Variants in CNTN5 observed in about 807,000 individuals in gnomAD.
CNTN5 encodes the protein contactin-5.
In CNTN5, 77 loss-of-function variants were observed where a neutral mutation model predicts 129.1. The observed-to-expected ratio is 0.60, with a 90% CI of 0.50 to 0.72. CNTN5 has a LOEUF of 0.72. Among genes scored for constraint, CNTN5 ranks in the 30% least tolerant of loss-of-function variants. The probability of loss-of-function intolerance (pLI) is 0.00; values close to 1 mark genes in which losing one functional copy is unlikely to be tolerated. For synonymous variants in CNTN5, 509 were observed against 465.6 expected, an observed-to-expected ratio of 1.09 and a Z score of -1.20; for missense variants, 1,478 against 1,328.8, an observed-to-expected ratio of 1.11 and a Z score of -1.75.
Position 99,462,322 on chromosome 11 carries a change from C to T in CNTN5, c.-70-93823C>T, listed in dbSNP as rs181424570. On this transcript the variant is annotated intron_variant, in intron 2 of 24. Transcript: ENST00000524871. ...TGGCAGGAAAAAATGTGTAGATTGT[C>T]CTTTTTCTTTCTTTTTTTTCTTTTT... Among the ~76,000 whole-genome samples, 334 of 146,264 alleles carry T rather than the reference C, an allele frequency of 2.3e-3. 1 individual carries two copies. The highest frequency in any genetic ancestry group is 8.2e-3 in the African/African-American group (325 of 39,824).
At chr11:99,094,105 C>T (rs1866371067) in intron 1 of CNTN5, among the ~76,000 whole-genome samples, 1 of 151,968 alleles carries the variant, frequency 6.6e-6, no homozygotes. Flanking sequence ...ATCACTACCA[C>T]CATTAAGACT....
At chr11:100,046,011 G>A (rs1942651133) in intron 9 of CNTN5, among the ~76,000 whole-genome samples, 1 of 151,880 alleles carries the variant, frequency 6.6e-6, no homozygotes, top group South Asian at 2.1e-4. Context: ...CAATGTGCAG[G>A]TTAGTTACAT....
At chr11:99,649,649 G>T (rs1479419163) in intron 3 of CNTN5, among the ~76,000 whole-genome samples, 1 of 151,736 alleles carries the variant, frequency 6.6e-6, no homozygotes, top group Non-Finnish European at 1.5e-5. Context: ...TTGCTTAAAA[G>T]ATAAAAAATG....
chr11:99,753,929 C>G (rs1316283505), intron 3 of CNTN5, among the ~76,000 whole-genome samples: 1 of 149,944 alleles, frequency 6.7e-6, no homozygotes, highest in African/African-American at 2.5e-5. Context: ...CTCAAGTGAT[C>G]TGCCCGCCTC....
At chr11:99,902,053 G>A (rs975645048) in intron 6 of CNTN5, among the ~76,000 whole-genome samples, 2 of 152,004 alleles carry the variant, frequency 1.3e-5, no homozygotes, top group Admixed American at 1.3e-4. Flanking sequence ...GATTCTAGAG[G>A]TCAAGCTTTT....
Position 99,700,277 on chromosome 11 carries a change from G to A in CNTN5, c.56-119267G>A, listed in dbSNP as rs181080053. ...GTAATCTCTTAAAGTAGAGTACTCG[G>A]TCATTTCCATCCATGATTCTATGAT... On this transcript the variant is annotated intron_variant, in intron 3 of 24. Transcript: ENST00000524871. Among the ~76,000 whole-genome samples, 248 of 151,430 alleles carry A rather than the reference G, an allele frequency of 1.6e-3. 1 individual carries two copies. The highest frequency in any genetic ancestry group is 5.4e-3 in the African/African-American group (225 of 41,454).
rs751890399 is a variant in CNTN5 at position 100,146,280 on chromosome 11, A to G, written c.1581-44846A>G. 5.9e-5 allele frequency among the ~76,000 whole-genome samples: 9 copies of G among 152,178 alleles called. 1 individual carries two copies. The highest frequency in any genetic ancestry group is 1.0e-4 in the Non-Finnish European group (7 of 68,030). The stretch of plus-strand genomic sequence containing the variant: ...AAAAGAGCTCAAAATGTAGGCAGTG[A>G]TTATGTCTAAATGTTGGAATCATAC... On this transcript the variant is annotated intron_variant, in intron 13 of 24. Coordinates refer to ENST00000524871, the MANE Select transcript of CNTN5 (RefSeq NM_014361.4).
Position 99,517,687 on chromosome 11 carries a change from G to C in CNTN5, c.-70-38458G>C, listed in dbSNP as rs114053728. Among the ~76,000 whole-genome samples, 370 of 152,144 alleles carry C rather than the reference G, an allele frequency of 2.4e-3. 2 individuals are homozygous for C. The highest frequency in any genetic ancestry group is 7.7e-3 in the African/African-American group (319 of 41,522). On this transcript the variant is annotated intron_variant, in intron 2 of 24. Coordinates refer to ENST00000524871, the MANE Select transcript of CNTN5 (RefSeq NM_014361.4). Reference sequence around the variant, plus strand: ...GCCAGATTGTCTTCTGTAAGCTAGTGATAACGTCACTTCCTTCATAAACCA... The same window carrying C: ...GCCAGATTGTCTTCTGTAAGCTAGTCATAACGTCACTTCCTTCATAAACCA...
chr11:99,170,327 G>T (rs571472934), intron 1 of CNTN5, among the ~76,000 whole-genome samples: 97 of 152,256 alleles, frequency 6.4e-4, no homozygotes, highest in African/African-American at 1.9e-3. Context: ...ATACACAAAG[G>T]TCGCAGTCAG....
chr11:99,790,035 T>G (rs1453169598), intron 3 of CNTN5, among the ~76,000 whole-genome samples: 6 of 152,082 alleles, frequency 3.9e-5, no homozygotes, highest in Non-Finnish European at 8.8e-5. Context: ...AGTTTTTGGT[T>G]TTCTGTTGCT....
chr11:99,975,928 A>G (rs2137329244), intron 8 of CNTN5, among the ~76,000 whole-genome samples: 1 of 152,328 alleles, frequency 6.6e-6, no homozygotes, highest in Admixed American at 6.5e-5. Flanking sequence ...AGTCCAATCC[A>G]AAGTCTCATC....
intron 20 of CNTN5, among the ~76,000 whole-genome samples, chr11:100,300,487 T>C (rs1591493325): frequency 6.6e-6 from 1 of 151,536 alleles, no homozygotes; most frequent in African/African-American, 2.4e-5. Flanking sequence ...CTAACCCTTA[T>C]ACTTCCTCTG....
At chr11:100,291,906 A>T (rs1233528781) in intron 18 of CNTN5, among the ~76,000 whole-genome samples, 2 of 151,858 alleles carry the variant, frequency 1.3e-5, no homozygotes, top group African/African-American at 4.8e-5. Flanking sequence ...CAACAAAAAA[A>T]AGGTTTTTTC....
At chr11:100,008,168 G>T (rs1223879185) in intron 9 of CNTN5, among the ~76,000 whole-genome samples, 1 of 151,948 alleles carries the variant, frequency 6.6e-6, no homozygotes, top group Non-Finnish European at 1.5e-5. Flanking sequence ...CATTATAACA[G>T]ACATAATAAA....
chr11:99,920,439 T>C (rs1949908715), intron 7 of CNTN5, among the ~76,000 whole-genome samples: 1 of 152,202 alleles, frequency 6.6e-6, no homozygotes, highest in South Asian at 2.1e-4. Flanking sequence ...CTGGCTTGTA[T>C]GTATATCCAA....
intron 2 of CNTN5, among the ~76,000 whole-genome samples, chr11:99,406,948 T>TGGGCTCA (rs1359012950): frequency 6.6e-6 from 1 of 151,636 alleles, no homozygotes; most frequent in Non-Finnish European, 1.5e-5. Context: ...TTCAGGGAAG[T>TGGGCTCA]GGGCTCACCT....
chr11:100,121,274 T>C (rs888840141), intron 13 of CNTN5, among the ~76,000 whole-genome samples: 9 of 152,106 alleles, frequency 5.9e-5, no homozygotes, highest in African/African-American at 2.2e-4. Context: ...TAAAATGGTC[T>C]AGGACCAAGA....
intron 1 of CNTN5, among the ~76,000 whole-genome samples, chr11:99,099,884 A>G (rs958034004): frequency 2.0e-5 from 3 of 152,186 alleles, no homozygotes; most frequent in African/African-American, 7.2e-5. Flanking sequence ...GTGGGTTGGC[A>G]TGTTATGTTA....
intron 2 of CNTN5, among the ~76,000 whole-genome samples, chr11:99,475,596 C>T (rs757996869): frequency 5.3e-5 from 8 of 151,998 alleles, no homozygotes; most frequent in Non-Finnish European, 2.9e-5. Flanking sequence ...ATTTAAACTT[C>T]CTGGAAATAT....
Sources: gnomAD v4.1 joint callset for allele counts (sites outside exome capture counted in the v4.1 genomes callset) on GRCh38, gnomAD v4.1.1 for gene constraint, MANE v1.5 for transcripts, NCBI Gene and HGNC (gene_info 2026-07-23, HGNC 2026-07-21) for gene names.